Variants in XRN1 observed in about 807,000 individuals in gnomAD.
XRN1 encodes strand-exchange protein 1 homolog.
Under a neutral mutation model 222.3 loss-of-function variants are expected in XRN1, and 67 were observed. That is an observed-to-expected ratio of 0.30 (90% CI 0.25 to 0.37). XRN1 has a LOEUF of 0.37. Among genes scored for constraint, XRN1 ranks in the 10% least tolerant of loss-of-function variants. XRN1 has a pLI of 1.00. For synonymous variants in XRN1, 643 were observed against 652.4 expected (o/e 0.99, Z 0.22); for missense variants, 1,707 against 2,000.2 (o/e 0.85, Z 2.80).
intron 33 of XRN1, among the ~76,000 whole-genome samples, chr3:142,336,120 A>T (rs2065845572): frequency 1.3e-5 from 2 of 152,168 alleles, no homozygotes; most frequent in African/African-American, 4.8e-5. Context: ...TGAATTTGAA[A>T]AATTCTAGGA....
chr3:142,357,294 T>C (rs2066490609), intron 30 of XRN1, among the ~76,000 whole-genome samples, 175 bp from the exon 31 acceptor site: 1 of 152,196 alleles, frequency 6.6e-6, no homozygotes, highest in Admixed American at 6.5e-5. Context: ...ATGATGTATT[T>C]CTAAAAACTT....
In XRN1 at chr3:142,400,973, T is replaced by G. The variant is rs114413268; in HGVS notation, c.2104-426A>C. On this transcript the variant is annotated intron_variant, in intron 18 of 40. Transcript: ENST00000392981. ...AAGTTGAATTAGTTGCTTTACAAAA[T>G]TCCATCTTCCATCCAGGTGTAAAAC... is the stretch of plus-strand genomic sequence containing the variant. 9.5e-3 allele frequency among the ~76,000 whole-genome samples: 1,435 copies of G among 151,438 alleles called. 22 individuals carry two copies. The highest frequency in any genetic ancestry group is 0.033 in the African/African-American group (1,358 of 40,736).
rs772695868 is a variant in XRN1 at position 142,347,345 on chromosome 3, G to A, written c.3769-3C>T. 1.3e-6 allele frequency: 2 copies of A among 1,543,120 alleles called. No individual in the cohort carries two copies. Among genetic ancestry groups the A allele is most frequent in the South Asian group, 1.3e-5 (1 of 76,262 alleles). On this transcript the variant is annotated splice_region_variant and splice_polypyrimidine_tract_variant and intron_variant, in intron 32 of 40. Transcript: ENST00000392981. Reference sequence around the variant, plus strand: ...ATTTCTTGAGGTAGAACTGCACCCTGAAAATTAAAATTCTTATAAATTAAA... The same window carrying A: ...ATTTCTTGAGGTAGAACTGCACCCTAAAAATTAAAATTCTTATAAATTAAA...
intron 34 of XRN1, among the ~76,000 whole-genome samples, chr3:142,334,912 T>C (rs2065811847): frequency 6.6e-6 from 1 of 151,786 alleles, no homozygotes; most frequent in Non-Finnish European, 1.5e-5. Flanking sequence ...TTCAGCTCAC[T>C]GCGACCTTTG....
intron 16 of XRN1, 84 bp downstream of exon 16, chr3:142,404,823 A>G: frequency 7.6e-7 from 1 of 1,324,236 alleles, no homozygotes; most frequent in Non-Finnish European, 1.1e-6. Flanking sequence ...CCAAACAGAT[A>G]TTCAAAGCTC....
At position 142,371,068 on chromosome 3, in the gene XRN1, C is replaced by G. The variant is rs140021350; in HGVS notation, c.3068+171G>C. On this transcript the variant is annotated intron_variant, in intron 26 of 40. Coordinates refer to ENST00000392981, the MANE Select transcript of XRN1 (RefSeq NM_001282857.2). ...GGAGGATTGTTTGAGTCCAGGGAAC[C>G]AAGGCTAAAGTGAGCCACATTTGAG... Among the ~76,000 whole-genome samples the G allele has an allele frequency of 3.3e-3, 477 of 145,626 alleles. 2 individuals carry two copies. Among genetic ancestry groups the G allele is most frequent in the African/African-American group, 0.01 (391 of 39,082 alleles).
At chr3:142,401,494 C>CACG (rs1221930284) in intron 18 of XRN1, among the ~76,000 whole-genome samples, 1 of 152,030 alleles carries the variant, frequency 6.6e-6, no homozygotes, top group Non-Finnish European at 1.5e-5. Flanking sequence ...GCAGGTGGAT[C>CACG]ACGAAGTCAG....
At chr3:142,393,764 A>G (rs1453894436) in intron 20 of XRN1, among the ~76,000 whole-genome samples, 1 of 152,098 alleles carries the variant, frequency 6.6e-6, no homozygotes, top group Non-Finnish European at 1.5e-5. Context: ...TCCAACTTGC[A>G]TGTTCAACTA....
At chr3:142,383,237 G>T in intron 22 of XRN1, 63 bp downstream of exon 22, 1 of 1,236,210 alleles carries the variant, frequency 8.1e-7, no homozygotes, top group Non-Finnish European at 1.2e-6. Context: ...CCTAAATGAA[G>T]AGAAGTTAAG....
Position 142,432,722 on chromosome 3 carries a change from T to C in XRN1, c.247A>G (p.Met83Val), listed in dbSNP as rs752194871. 5 of 1,613,180 alleles carry C rather than the reference T, an allele frequency of 3.1e-6. No individual in the cohort carries two copies. In the East Asian group the frequency reaches 8.9e-5, roughly 29 times the overall value. Residue 83 changes from methionine to valine, a missense_variant, in exon 2 of 41, where the codon ATG becomes GTG. Physicochemically the swap from Met to Val is conservative, Grantham distance 21. Around this residue, in one of 2 missense-constraint regions of XRN1, gnomAD observed 1,234 missense variants for 1,518.2 expected, o/e 0.81. Coordinates refer to ENST00000392981, the MANE Select transcript of XRN1 (RefSeq NM_001282857.2). ...CGAGGAGCCACACCATCTACAGCCA[T>C]AAAGAACACTTTCCTGGGTTTAATA... ...RIIKPRKVFFMAVDGVAPRAK... is the reference protein window; with the variant it reads ...RIIKPRKVFFVAVDGVAPRAK...
chr3:142,341,732 T>C (rs1270295939), intron 33 of XRN1, among the ~76,000 whole-genome samples: 3 of 152,070 alleles, frequency 2.0e-5, no homozygotes, highest in African/African-American at 7.2e-5. Context: ...GAAAAAGTTA[T>C]CCAATGTCAA....
chr3:142,358,815 A>G (rs1399173579), intron 30 of XRN1, among the ~76,000 whole-genome samples: 1 of 152,198 alleles, frequency 6.6e-6, no homozygotes, highest in Non-Finnish European at 1.5e-5. Context: ...ACTACTTGGT[A>G]TAACAGCCAA....
chr3:142,313,637 T>C (rs774256363), intron 39 of XRN1, among the ~76,000 whole-genome samples: 1 of 152,176 alleles, frequency 6.6e-6, no homozygotes, highest in Non-Finnish European at 1.5e-5. Context: ...TAAGACACTT[T>C]TAGGTTAGGA....
At chr3:142,424,847 A>G (rs1374238882) in intron 5 of XRN1, among the ~76,000 whole-genome samples, 2 of 84,316 alleles carry the variant, frequency 2.4e-5, no homozygotes, top group African/African-American at 5.7e-5. Context: ...GAAAATTTCC[A>G]TAATAAAAAG....
rs192227792 is a variant in XRN1, at chr3:142,306,749, T to A, written c.*4762A>T. On this transcript the variant is annotated 3_prime_UTR_variant, in exon 41 of 41. Transcript: ENST00000392981. ...TAACTTCATGCTAGAAATCTACGGA[T>A]AACGTAACACCACAAAAATACATTC... 9.2e-5 allele frequency: 14 copies of A among 152,736 alleles called. No individual in the cohort carries two copies. In the East Asian group the frequency reaches 1.4e-3, roughly 15 times the overall value. 9.5% of individuals were successfully genotyped at this position (152,736 alleles called of 1,614,324 possible). A position where few individuals can be genotyped will look rare whatever the true frequency, so the allele number is the denominator to read the frequency against.
At position 142,384,664 on chromosome 3, in the gene XRN1, T is replaced by A; in HGVS notation, c.2361A>T (p.Ile787=). 1 of 1,595,208 alleles carries A rather than the reference T, an allele frequency of 6.3e-7. No individual in the cohort carries two copies. The highest frequency in any genetic ancestry group is 8.5e-7 in the Non-Finnish European group (1 of 1,172,470). ...CAACTGCAGATGTTTCATTTATTATTATTCCTTTTCTTCTCAGGTAGCTAA... is the reference window on the plus strand; with the variant it reads ...CAACTGCAGATGTTTCATTTATTATAATTCCTTTTCTTCTCAGGTAGCTAA... ...ISEHYLRRKG[I]IINETSAVVY... The change falls in exon 21 of 41, where the codon ATA becomes ATT. Residue 787 remains isoleucine, a synonymous_variant. Transcript: ENST00000392981.
At chr3:142,380,797 C>G (rs2107928976) in intron 22 of XRN1, among the ~76,000 whole-genome samples, 1 of 152,110 alleles carries the variant, frequency 6.6e-6, no homozygotes, top group South Asian at 2.1e-4. Context: ...GCAGCTGGAG[C>G]TACAGGTATG....
Position 142,311,816 on chromosome 3 carries a change from G to A in XRN1, c.4783-3C>T, listed in dbSNP as rs1342417340. 1 of 1,574,604 alleles carries A rather than the reference G, an allele frequency of 6.4e-7. No homozygotes were observed. The highest frequency in any genetic ancestry group is 1.4e-5 in the African/African-American group (1 of 72,836). On this transcript the variant is annotated splice_polypyrimidine_tract_variant and splice_region_variant and intron_variant, in intron 40 of 40. Transcript: ENST00000392981. Reference sequence around the variant, plus strand: ...TTTGCAACCCTTTTTTTAGTAACCTGTTAGGAATAAAAGCATCACTAATTA... The same window carrying A: ...TTTGCAACCCTTTTTTTAGTAACCTATTAGGAATAAAAGCATCACTAATTA...
intron 37 of XRN1, among the ~76,000 whole-genome samples, chr3:142,319,907 TAC>T (rs113013809): frequency 0.012 from 1,755 of 148,278 alleles, 7 homozygotes; most frequent in African/African-American, 0.021. Context: ...GGTGTGTGTA[TAC>T]ACACACACAC....
Sources: allele counts gnomAD v4.1 joint callset (sites outside exome capture counted in the v4.1 genomes callset), GRCh38; gene constraint gnomAD v4.1.1; regional missense constraint gnomAD v4.1.1; transcripts MANE v1.5; gene names NCBI Gene and HGNC (gene_info 2026-07-23, HGNC 2026-07-21).